Variants in ARF4 observed in about 807,000 individuals in gnomAD.
ARF4 encodes the protein ADP-ribosylation factor 4.
Under a neutral mutation model 24.3 loss-of-function variants are expected in ARF4, and 5 were observed. The observed-to-expected ratio is 0.21, with a 90% CI of 0.11 to 0.43. ARF4 has a LOEUF of 0.43. ARF4 is among the 20% of genes least tolerant of loss of function. The pLI is 1.00. For missense variants in ARF4, 107 were observed against 213.0 expected, an observed-to-expected ratio of 0.50 and a Z score of 3.10; for synonymous variants, 62 against 73.5, an observed-to-expected ratio of 0.84 and a Z score of 0.80.
intron 5 of ARF4, among the ~76,000 whole-genome samples, chr3:57,574,843 C>A (rs908083344): frequency 6.7e-6 from 1 of 149,088 alleles, no homozygotes; most frequent in East Asian, 1.9e-4. Flanking sequence ...CAAAGCGAGA[C>A]CCCCCATCTC....
chr3:57,591,513 C>T (rs1283731076), intron 1 of ARF4, among the ~76,000 whole-genome samples: 1 of 150,306 alleles, frequency 6.7e-6, no homozygotes, highest in Non-Finnish European at 1.5e-5. Flanking sequence ...GTCACCTAGG[C>T]TGGAGTGCAA....
chr3:57,585,359 A>C (rs577420135), intron 1 of ARF4, among the ~76,000 whole-genome samples: 17 of 152,222 alleles, frequency 1.1e-4, no homozygotes, highest in Non-Finnish European at 2.4e-4. Flanking sequence ...TAATGAACTT[A>C]ATGTAACTAT....
rs1425785514 is a variant in ARF4, at chr3:57,575,647, T to G, written c.357A>C (p.Ala119=). The part of the protein sequence containing the change: ...KMLLVDELRD[A]VLLLFANKQD... The stretch of plus-strand genomic sequence containing the variant: ...GTTTGTTTGCAAAAAGTAGCAGCAC[T>G]GCATCTCTCAATTCATCTACCAGAA... Residue 119 remains alanine, a synonymous_variant, in exon 5 of 6, where the codon GCA becomes GCC. Coordinates refer to ENST00000303436, the MANE Select transcript of ARF4 (RefSeq NM_001660.4). 1 of 1,611,996 alleles carries G rather than the reference T, an allele frequency of 6.2e-7. No individual in the cohort carries two copies. The highest frequency in any genetic ancestry group is 2.2e-5 in the East Asian group (1 of 44,782).
At chr3:57,596,370 G>A (rs950157892) in intron 1 of ARF4, among the ~76,000 whole-genome samples, 5 of 152,116 alleles carry the variant, frequency 3.3e-5, no homozygotes, top group African/African-American at 1.2e-4. Flanking sequence ...TAAAAACCTA[G>A]GAGAATAAAC....
At chr3:57,572,725 C>T (rs959195311) in intron 5 of ARF4, among the ~76,000 whole-genome samples, 1 of 151,940 alleles carries the variant, frequency 6.6e-6, no homozygotes, top group African/African-American at 2.4e-5. Context: ...CAAGATTTTC[C>T]CCCCTCATTC....
At chr3:57,576,561 A>AAAATCC (rs2069905905) in intron 4 of ARF4, among the ~76,000 whole-genome samples, 2 of 150,622 alleles carry the variant, frequency 1.3e-5, no homozygotes, top group Admixed American at 6.6e-5. Flanking sequence ...GACTCAGGCA[A>AAAATCC]AAATCCAACA....
At chr3:57,593,984 G>A (rs2070148875) in intron 1 of ARF4, among the ~76,000 whole-genome samples, 2 of 152,186 alleles carry the variant, frequency 1.3e-5, no homozygotes, top group South Asian at 4.1e-4. Flanking sequence ...GGCTGGGTGT[G>A]ATGGCTCATG....
In ARF4 at chr3:57,574,817, A is replaced by G. The variant is rs1251872062; in HGVS notation, c.456+731T>C. On this transcript the variant is annotated intron_variant, in intron 5 of 5. Transcript: ENST00000303436. Reference sequence around the variant, plus strand: ...GAGGATTGCTTGAGTCCAGGAGTTCAAGACCAGCCTAGCAACAAAGCGAGA... The same window carrying G: ...GAGGATTGCTTGAGTCCAGGAGTTCGAGACCAGCCTAGCAACAAAGCGAGA... Among the ~76,000 whole-genome samples the G allele has an allele frequency of 2.6e-5, 4 of 152,138 alleles. No individual in the cohort carries two copies. The East Asian group carries it at 7.8e-4, about 29-fold the overall frequency.
chr3:57,573,052 A>G (rs1193571069), intron 5 of ARF4, among the ~76,000 whole-genome samples: 1 of 151,660 alleles, frequency 6.6e-6, no homozygotes, highest in Non-Finnish European at 1.5e-5. Context: ...AATACAAAAA[A>G]TTAGCCGGGC....
chr3:57,572,315 A>C lies in ARF4; in HGVS notation c.457-17T>G. The C allele has an allele frequency of 6.3e-7, 1 of 1,581,964 alleles. No homozygotes were observed. The highest frequency in any genetic ancestry group is 8.7e-7 in the Non-Finnish European group (1 of 1,152,964). ...AACATACCACTGTAAAGAGAAGACAAGAAAATACTTGATTAACAAAGTTAA... is the reference window on the plus strand; with the variant it reads ...AACATACCACTGTAAAGAGAAGACACGAAAATACTTGATTAACAAAGTTAA... On this transcript the variant is annotated splice_polypyrimidine_tract_variant and intron_variant, in intron 5 of 5. Transcript: ENST00000303436.
chr3:57,582,206 T>A (rs1455401617), intron 3 of ARF4, among the ~76,000 whole-genome samples: 1 of 152,214 alleles, frequency 6.6e-6, no homozygotes, highest in Admixed American at 6.5e-5. Flanking sequence ...TCAAGTATCT[T>A]TTCTAGTCAC....
At position 57,581,806 on chromosome 3, in the gene ARF4, AAACT is replaced by A. The variant is rs1335913022; in HGVS notation, c.258+2088_258+2091del. Among the ~76,000 whole-genome samples the A allele has an allele frequency of 1.3e-5, 2 of 152,168 alleles. 1 individual carries two copies. The highest frequency in any genetic ancestry group is 1.3e-4 in the Admixed American group (2 of 15,272). ...GAACTCCATCTCAAAAAAAATAAAC[AAACT>A]GTCTAGAGGGTAGAGCACATTAGAG... On this transcript the variant is annotated intron_variant, in intron 3 of 5. Coordinates refer to ENST00000303436, the MANE Select transcript of ARF4 (RefSeq NM_001660.4).
chr3:57,577,285 G>T, intron 4 of ARF4, 31 bp downstream of exon 4: 3 of 1,575,766 alleles, frequency 1.9e-6, no homozygotes, highest in Non-Finnish European at 2.6e-6. Context: ...AGCACACCTT[G>T]AAAATGATGA....
At chr3:57,587,964 T>A (rs1374600252) in intron 1 of ARF4, among the ~76,000 whole-genome samples, 3 of 152,208 alleles carry the variant, frequency 2.0e-5, no homozygotes, top group African/African-American at 7.2e-5. Flanking sequence ...ACATATACAG[T>A]CATCACTTAA....
intron 5 of ARF4, among the ~76,000 whole-genome samples, chr3:57,574,588 G>A (rs940487452): frequency 6.6e-6 from 1 of 151,848 alleles, no homozygotes; most frequent in African/African-American, 2.4e-5. Context: ...TTTTATTTTT[G>A]TAGAGATAGG....
In ARF4 at chr3:57,597,211, G is replaced by A. The variant is rs1325640155; in HGVS notation, c.-71C>T. 2 of 1,447,364 alleles carry A rather than the reference G, an allele frequency of 1.4e-6. No homozygotes were observed. The highest frequency in any genetic ancestry group is 2.8e-5 in the African/African-American group (2 of 71,172). The allele number at this position is 1,447,364 out of a possible 1,614,324, so 89.7% of individuals were successfully genotyped here. A position where few individuals can be genotyped will look rare whatever the true frequency, so the allele number is the denominator to read the frequency against. On this transcript the variant is annotated 5_prime_UTR_variant, in exon 1 of 6. Coordinates refer to ENST00000303436, the MANE Select transcript of ARF4 (RefSeq NM_001660.4). ...GCGACCCCGTGCTTTCTCCTTTCAA[G>A]CTCCCAGGCAAACTAAACGAGAGGG...
At chr3:57,574,002 C>T (rs928710816) in intron 5 of ARF4, among the ~76,000 whole-genome samples, 4 of 151,636 alleles carry the variant, frequency 2.6e-5, no homozygotes, top group Non-Finnish European at 4.4e-5. Flanking sequence ...AGTGCAGTGG[C>T]GTGATCTCGG....
chr3:57,575,178 C>G (rs890489290), intron 5 of ARF4, among the ~76,000 whole-genome samples: 1 of 151,920 alleles, frequency 6.6e-6, no homozygotes, highest in African/African-American at 2.4e-5. Context: ...AACAAGCAAA[C>G]AAACATTACT....
intron 1 of ARF4, among the ~76,000 whole-genome samples, chr3:57,590,190 G>A (rs2070095095): frequency 6.6e-6 from 1 of 150,648 alleles, no homozygotes; most frequent in African/African-American, 2.4e-5. Flanking sequence ...ATCATAATTA[G>A]TGATGAAAAA....
Sources: allele counts gnomAD v4.1 joint callset (sites outside exome capture counted in the v4.1 genomes callset), GRCh38; gene constraint gnomAD v4.1.1; transcripts MANE v1.5; gene names NCBI Gene and HGNC (gene_info 2026-07-23, HGNC 2026-07-21).